MICU2: variants seen among roughly 807,000 people sequenced by gnomAD.
MICU2 encodes mitochondrial calcium uptake 2, also known as calcium uptake protein 2, mitochondrial.
Under a neutral mutation model 60.4 loss-of-function variants are expected in MICU2, and 64 were observed. The ratio of observed to expected loss-of-function variants is 1.06; its 90% CI spans 0.87 to 1.31. The LOEUF (loss-of-function observed/expected upper bound fraction) is 1.31. MICU2 is among the 50% of genes most tolerant of loss of function. MICU2 has a pLI of 0.00. For synonymous variants in MICU2, 201 were observed against 175.0 expected (o/e 1.15, Z -1.17); for missense variants, 569 against 531.0 (o/e 1.07, Z -0.70).
At chr13:21,495,878 G>A (rs953714175) in intron 10 of MICU2, 174 bp downstream of exon 10, 5 of 535,074 alleles carry the variant, frequency 9.3e-6, no homozygotes, top group Non-Finnish European at 1.3e-5. Context: ...AGTATAGAAA[G>A]TAACCATTAA....
At position 21,567,261 on chromosome 13, in the gene MICU2, A is replaced by G. The variant is rs560169184; in HGVS notation, c.211-317T>C. Among the ~76,000 whole-genome samples the G allele has an allele frequency of 3.3e-5, 5 of 152,346 alleles. No homozygotes were observed. The East Asian group carries it at 7.7e-4, about 24-fold the overall frequency. ...AAGAAAGGGATAAGGTGGTAATACC[A>G]TAAGATAGTCAGAGAAGGTCTTTCT... On this transcript the variant is annotated intron_variant, in intron 1 of 11. Transcript: ENST00000382374.
chr13:21,601,843 C>T (rs1377015029), intron 1 of MICU2, among the ~76,000 whole-genome samples: 1 of 152,176 alleles, frequency 6.6e-6, no homozygotes, highest in African/African-American at 2.4e-5. Context: ...CTGTGGCTCA[C>T]GCCAGTAATC....
chr13:21,596,626 G>A (rs1039165314), intron 1 of MICU2, among the ~76,000 whole-genome samples: 6 of 151,972 alleles, frequency 3.9e-5, no homozygotes, highest in Non-Finnish European at 5.9e-5. Flanking sequence ...GTTTCACCAC[G>A]TTGGCCAGGC....
intron 1 of MICU2, among the ~76,000 whole-genome samples, chr13:21,586,709 C>A (rs117961984): frequency 6.6e-6 from 1 of 152,108 alleles, no homozygotes. Flanking sequence ...ACACACCTGG[C>A]GTGTTACAGC....
At chr13:21,587,279 C>A (rs1174231569) in intron 1 of MICU2, among the ~76,000 whole-genome samples, 1 of 152,114 alleles carries the variant, frequency 6.6e-6, no homozygotes, top group African/African-American at 2.4e-5. Context: ...GAGGACAAAG[C>A]CCTATGAAGC....
In MICU2 at chr13:21,523,002, G is replaced by A. The variant is rs142151718; in HGVS notation, c.467-352C>T. Among the ~76,000 whole-genome samples the A allele has an allele frequency of 3.8e-3, 574 of 152,254 alleles. 10 individuals carry two copies. Among genetic ancestry groups the A allele is most frequent in the African/African-American group, 0.013 (532 of 41,520 alleles). ...GACTCGGTAAAGCAGGCTGTTCTCC[G>A]CAGTGTGGGTGGGCATTATCCACTC... On this transcript the variant is annotated intron_variant, in intron 4 of 11. Coordinates refer to ENST00000382374, the MANE Select transcript of MICU2 (RefSeq NM_152726.3).
chr13:21,493,888 C>G (rs1885924456), intron 11 of MICU2, among the ~76,000 whole-genome samples: 1 of 151,990 alleles, frequency 6.6e-6, no homozygotes, highest in African/African-American at 2.4e-5. Flanking sequence ...TACTACTACT[C>G]TCAACAAAAT....
chr13:21,556,574 T>G (rs1887713087), intron 2 of MICU2, among the ~76,000 whole-genome samples: 1 of 152,156 alleles, frequency 6.6e-6, no homozygotes, highest in Admixed American at 6.6e-5. Context: ...TTTGGAAGTT[T>G]TAAAGAATGA....
At chr13:21,593,420 T>C (rs959119279) in intron 1 of MICU2, among the ~76,000 whole-genome samples, 1 of 151,584 alleles carries the variant, frequency 6.6e-6, no homozygotes, top group Non-Finnish European at 1.5e-5. Context: ...ATCAATATTG[T>C]AAAAATGACC....
intron 8 of MICU2, among the ~76,000 whole-genome samples, 173 bp from the exon 9 acceptor site, chr13:21,503,270 G>A (rs1295278910): frequency 6.6e-6 from 1 of 152,184 alleles, no homozygotes; most frequent in Non-Finnish European, 1.5e-5. Context: ...AGGATGCAGA[G>A]AAACTGATTA....
At position 21,604,047 on chromosome 13, in the gene MICU2, G is replaced by C; in HGVS notation, c.102C>G (p.Pro34=). ...VSRQAVRSPG[P]LAAAVAGAAL... is the part of the protein sequence containing the mutation. ...CCGCGCCGGCCACTGCCGCTGCCAA[G>C]GGGCCGGGACTCCGCACAGCCTGTC... Residue 34 remains proline, a synonymous_variant, in exon 1 of 12, where the codon CCC becomes CCG. Coordinates refer to ENST00000382374, the MANE Select transcript of MICU2 (RefSeq NM_152726.3). The C allele has an allele frequency of 6.2e-7, 1 of 1,606,166 alleles. No individual in the cohort carries two copies. Among genetic ancestry groups the C allele is most frequent in the African/African-American group, 1.3e-5 (1 of 74,612 alleles).
chr13:21,603,673 T>G, intron 1 of MICU2: 1 of 528,794 alleles, frequency 1.9e-6, no homozygotes, highest in Non-Finnish European at 3.3e-6. Flanking sequence ...TGCGGCCAGT[T>G]TTGTGGGCCG....
chr13:21,578,948 T>TG (rs1481639494), intron 1 of MICU2, among the ~76,000 whole-genome samples: 1 of 152,248 alleles, frequency 6.6e-6, no homozygotes, highest in Non-Finnish European at 1.5e-5. Flanking sequence ...GCTCTGAAAC[T>TG]GGATTACACC....
At chr13:21,530,699 G>A (rs1886971602) in intron 4 of MICU2, 1 of 395,962 alleles carries the variant, frequency 2.5e-6, no homozygotes, top group Non-Finnish European at 4.5e-6. Context: ...GGCCACTGAG[G>A]GGGTCGGGGA....
chr13:21,572,870 A>G (rs1375906192), intron 1 of MICU2, among the ~76,000 whole-genome samples: 2 of 152,174 alleles, frequency 1.3e-5, no homozygotes, highest in Non-Finnish European at 2.9e-5. Flanking sequence ...TGTCCAGAGT[A>G]ATTTATTATT....
chr13:21,586,363 A>G lies in MICU2; in HGVS notation c.210+17576T>C, dbSNP rs1888456427. Among the ~76,000 whole-genome samples, 3 of 152,204 alleles carry G rather than the reference A, an allele frequency of 2.0e-5. No homozygotes were observed. The South Asian group carries it at 6.2e-4, about 32-fold the overall frequency. On this transcript the variant is annotated intron_variant, in intron 1 of 11. Transcript: ENST00000382374. ...CTGCTTTCATTCCTGTTGCAACAGA[A>G]AAAATATCCCTGCTGCTATGAAAAT...
At chr13:21,533,565 C>T (rs1032434421) in intron 4 of MICU2, among the ~76,000 whole-genome samples, 2 of 151,998 alleles carry the variant, frequency 1.3e-5, no homozygotes, top group Admixed American at 1.3e-4. Flanking sequence ...CCTCGTGATC[C>T]GCCCGCCTCA....
intron 1 of MICU2, among the ~76,000 whole-genome samples, chr13:21,569,751 T>C (rs577965737): frequency 6.6e-6 from 1 of 151,544 alleles, no homozygotes; most frequent in African/African-American, 2.4e-5. Flanking sequence ...TATCTTTACA[T>C]ACATGTTCTT....
intron 4 of MICU2, among the ~76,000 whole-genome samples, chr13:21,529,557 T>C (rs1362845437): frequency 6.6e-6 from 1 of 152,144 alleles, no homozygotes; most frequent in Non-Finnish European, 1.5e-5. Context: ...CAATGTTTAA[T>C]AGGCAGGAGG....
Sources: gnomAD v4.1 joint callset for allele counts (sites outside exome capture counted in the v4.1 genomes callset) on GRCh38, gnomAD v4.1.1 for gene constraint, MANE v1.5 for transcripts, NCBI Gene and HGNC (gene_info 2026-07-23, HGNC 2026-07-21) for gene names.